The following KIAA1549L variants were observed in gnomAD, a reference collection of about 807,000 sequenced individuals.
KIAA1549L encodes UPF0606 protein KIAA1549L.
A neutral mutation model predicts 160.7 loss-of-function variants in KIAA1549L; 88 were observed. That is an observed-to-expected ratio of 0.55 (90% confidence interval 0.46 to 0.65). The LOEUF is 0.65. Ranked by LOEUF, KIAA1549L falls within the 30% of genes least tolerant of loss-of-function variation. KIAA1549L has a pLI of 0.00. For synonymous variants in KIAA1549L, 950 were observed against 976.7 expected (o/e 0.97, Z 0.51); for missense variants, 2,258 against 2,437.5 (o/e 0.93, Z 1.55).
intron 13 of KIAA1549L, 70 bp downstream of exon 13, chr11:33,599,017 A>G (rs1850285301): frequency 6.5e-7 from 1 of 1,539,708 alleles, no homozygotes; most frequent in Non-Finnish European, 8.9e-7. Context: ...ATGCGTGCAC[A>G]CGTGTGCACA....
chr11:33,543,918 G>A lies in KIAA1549L; in HGVS notation c.2355G>A (p.Gln785=). ...QDLVLGTSIE[Q]PVQQSDMTMV... ...TAGTCCTCGGTACAAGCATTGAGCA[G>A]CCTGTGCAACAGTCAGACATGACCA... The change falls in exon 2 of 21, where the codon CAG becomes CAA. Residue 785 remains glutamine, a synonymous_variant. Transcript: ENST00000658780. The A allele has an allele frequency of 6.2e-7, 1 of 1,613,986 alleles. No individual in the cohort carries two copies. The highest frequency in any genetic ancestry group is 8.5e-7 in the Non-Finnish European group (1 of 1,179,882).
intron 16 of KIAA1549L, among the ~76,000 whole-genome samples, chr11:33,640,947 A>G (rs1851565247): frequency 6.6e-6 from 1 of 152,252 alleles, no homozygotes; most frequent in South Asian, 2.1e-4. Flanking sequence ...ATACGGTCCC[A>G]ACCCAAGCCA....
At chr11:33,401,968 G>A (rs1339058410) in intron 1 of KIAA1549L, among the ~76,000 whole-genome samples, 1 of 152,218 alleles carries the variant, frequency 6.6e-6, no homozygotes, top group African/African-American at 2.4e-5. Flanking sequence ...AAGGGGCACA[G>A]CTGTCCCTCT....
intron 1 of KIAA1549L, among the ~76,000 whole-genome samples, chr11:33,394,399 A>G (rs1590216268): frequency 1.4e-5 from 1 of 71,958 alleles, no homozygotes; most frequent in Non-Finnish European, 3.0e-5. Context: ...AATAATAAAT[A>G]AATAAATAAA....
intron 1 of KIAA1549L, among the ~76,000 whole-genome samples, chr11:33,482,079 G>C (rs1339984140): frequency 2.0e-5 from 3 of 152,182 alleles, no homozygotes; most frequent in Non-Finnish European, 4.4e-5. Context: ...TGAATATGCA[G>C]ATATTTAATG....
At position 33,376,277 on chromosome 11, in the gene KIAA1549L, G is replaced by A. The variant is rs1224703495; in HGVS notation, c.-375G>A. Among the ~76,000 whole-genome samples the A allele has an allele frequency of 6.7e-6, 1 of 148,680 alleles. No individual in the cohort carries two copies. The highest frequency in any genetic ancestry group is 2.0e-4 in the East Asian group (1 of 5,030). ...GGGAGGGACCCGAGCGCGCCCCGCGGCCGCCACCCCCGTTCCCGGCAGCCT... is the reference window on the plus strand; with the variant it reads ...GGGAGGGACCCGAGCGCGCCCCGCGACCGCCACCCCCGTTCCCGGCAGCCT... On this transcript the variant is annotated 5_prime_UTR_variant, in exon 1 of 21. Transcript: ENST00000658780. This position sits in a 1 kb window ranked among gnomAD's most constrained non-coding sequence, Gnocchi z 5.8.
intron 1 of KIAA1549L, among the ~76,000 whole-genome samples, chr11:33,462,276 A>G (rs1458549170): frequency 6.6e-6 from 1 of 152,228 alleles, no homozygotes; most frequent in African/African-American, 2.4e-5. Context: ...CATCATGGGT[A>G]GACCATGAAA....
chr11:33,644,591 C>A (rs1301247305), intron 16 of KIAA1549L, among the ~76,000 whole-genome samples: 1 of 152,202 alleles, frequency 6.6e-6, no homozygotes, highest in African/African-American at 2.4e-5. Context: ...TTTATTTAAT[C>A]CTTATAAAAG....
At chr11:33,431,463 C>T (rs531179043) in intron 1 of KIAA1549L, among the ~76,000 whole-genome samples, 135 of 152,236 alleles carry the variant, frequency 8.9e-4, no homozygotes, top group African/African-American at 3.1e-3. Flanking sequence ...TTAGATACAG[C>T]GTATCGACAC....
At chr11:33,573,007 C>T (rs1029007702) in intron 9 of KIAA1549L, among the ~76,000 whole-genome samples, 5 of 152,188 alleles carry the variant, frequency 3.3e-5, no homozygotes, top group Non-Finnish European at 7.3e-5. Flanking sequence ...AGAGTGGTCT[C>T]TTGTGGTTTC....
intron 1 of KIAA1549L, among the ~76,000 whole-genome samples, chr11:33,519,705 G>A (rs1053945662): frequency 6.6e-6 from 1 of 152,032 alleles, no homozygotes; most frequent in Non-Finnish European, 1.5e-5. Context: ...TCTTTAGAGG[G>A]GGGTACATCA....
intron 17 of KIAA1549L, among the ~76,000 whole-genome samples, chr11:33,655,666 G>A (rs1852039371): frequency 1.3e-5 from 2 of 152,134 alleles, no homozygotes; most frequent in Non-Finnish European, 2.9e-5. Context: ...GATAAATGGG[G>A]CTCTAGGGGA....
At chr11:33,661,096 G>A (rs1189080412) in intron 20 of KIAA1549L, 82 bp downstream of exon 20, 1 of 1,379,756 alleles carries the variant, frequency 7.2e-7, no homozygotes, top group Admixed American at 2.2e-5. Flanking sequence ...GGTTGAGACT[G>A]AAGGTTTTGT....
At chr11:33,567,966 G>T (rs1855106450) in intron 8 of KIAA1549L, 110 bp from the exon 9 acceptor site, 1 of 1,152,232 alleles carries the variant, frequency 8.7e-7, no homozygotes. Context: ...CTAACATGAG[G>T]TAGGACACAG....
intron 14 of KIAA1549L, 108 bp from the exon 15 acceptor site, chr11:33,609,641 G>A (rs1205171933): frequency 1.4e-5 from 12 of 836,788 alleles, no homozygotes; most frequent in Admixed American, 1.0e-4. Context: ...GAGGCCCGGA[G>A]GTGATGCCTG....
intron 1 of KIAA1549L, among the ~76,000 whole-genome samples, chr11:33,377,319 AAC>A (rs1849976859): frequency 6.6e-6 from 1 of 152,140 alleles, no homozygotes; most frequent in Non-Finnish European, 1.5e-5. Flanking sequence ...CCCAAATATC[AAC>A]ACAGTTTCTC....
intron 1 of KIAA1549L, among the ~76,000 whole-genome samples, chr11:33,504,500 C>G (rs1407622381): frequency 6.6e-6 from 1 of 151,918 alleles, no homozygotes; most frequent in Non-Finnish European, 1.5e-5. Flanking sequence ...CAGAGTCCCT[C>G]TCTGTTGCCC....
intron 18 of KIAA1549L, among the ~76,000 whole-genome samples, chr11:33,657,367 G>A (rs771235961): frequency 5.9e-5 from 9 of 152,064 alleles, no homozygotes; most frequent in Non-Finnish European, 1.3e-4. Context: ...GCCCCTCCAC[G>A]CCATTTGCTA....
chr11:33,495,216 G>A (rs1419177755), intron 1 of KIAA1549L, among the ~76,000 whole-genome samples: 2 of 151,788 alleles, frequency 1.3e-5, no homozygotes, highest in African/African-American at 4.8e-5. Context: ...ATGCTGGTGC[G>A]CTGCACCCAC....
Sources: allele counts gnomAD v4.1 joint callset (sites outside exome capture counted in the v4.1 genomes callset), GRCh38; gene constraint gnomAD v4.1.1; non-coding constraint Gnocchi (gnomAD v3.1); transcripts MANE v1.5; gene names NCBI Gene and HGNC (gene_info 2026-07-23, HGNC 2026-07-21).